Variants in PCDHA8 observed in about 807,000 individuals in gnomAD.
PCDHA8 encodes the protein protocadherin alpha 8, also known as protocadherin alpha-8.
A neutral mutation model predicts 61.8 loss-of-function variants in PCDHA8; 53 were observed. That is an observed-to-expected ratio of 0.86 (90% CI 0.69 to 1.08). The LOEUF (loss-of-function observed/expected upper bound fraction) is 1.08. PCDHA8 is among the 50% of genes least tolerant of loss of function. The pLI is 0.00. For missense variants in PCDHA8, 1,293 were observed against 1,245.0 expected, an observed-to-expected ratio of 1.04 and a Z score of -0.58; for synonymous variants, 618 against 556.6, an observed-to-expected ratio of 1.11 and a Z score of -1.55.
intron 1 of PCDHA8, among the ~76,000 whole-genome samples, chr5:140,905,413 A>T (rs2071819141): frequency 6.6e-6 from 1 of 152,180 alleles, no homozygotes; most frequent in South Asian, 2.1e-4. Flanking sequence ...TTATACCAGT[A>T]CCATGCTGGT....
intron 1 of PCDHA8, chr5:140,884,501 G>A: frequency 1.9e-6 from 3 of 1,614,146 alleles, no homozygotes; most frequent in Middle Eastern, 1.6e-4. Context: ...CTCCAGCGCG[G>A]CAGGGAGTTG....
At chr5:140,979,078 A>G (rs2240296) in intron 2 of PCDHA8, 71 bp downstream of exon 2, 2 of 1,583,496 alleles carry the variant, frequency 1.3e-6, no homozygotes, top group East Asian at 4.5e-5. Flanking sequence ...CTGCATCTCC[A>G]TAGGCCAGAA....
chr5:140,895,763 T>C (rs1291731285), intron 1 of PCDHA8, among the ~76,000 whole-genome samples: 2 of 152,170 alleles, frequency 1.3e-5, no homozygotes, highest in East Asian at 1.9e-4. Context: ...TTTTCTTTCT[T>C]TATGGCTGCA....
chr5:141,004,715 G>T (rs989871938), intron 3 of PCDHA8, among the ~76,000 whole-genome samples: 2 of 152,162 alleles, frequency 1.3e-5, no homozygotes, highest in African/African-American at 2.4e-5. Flanking sequence ...CGAATCAGAG[G>T]TTTTTAAATA....
chr5:140,927,128 A>T (rs2083872958), intron 1 of PCDHA8: 2 of 1,613,878 alleles, frequency 1.2e-6, no homozygotes, highest in Non-Finnish European at 1.7e-6. Context: ...GTGGTCAGAG[A>T]GCCGGCGGAC....
chr5:140,862,432 C>T (rs746687465), intron 1 of PCDHA8: 1 of 355,106 alleles, frequency 2.8e-6, no homozygotes, highest in Non-Finnish European at 5.6e-6. Context: ...AGAAACTATT[C>T]GTTGGTACTC....
intron 3 of PCDHA8, among the ~76,000 whole-genome samples, chr5:140,999,095 G>C (rs1554256620): frequency 6.6e-6 from 1 of 152,202 alleles, no homozygotes; most frequent in African/African-American, 2.4e-5. Flanking sequence ...GAGGGCTATG[G>C]AGAGTAACCT....
intron 1 of PCDHA8, among the ~76,000 whole-genome samples, chr5:140,975,067 T>C (rs2096652705): frequency 6.6e-6 from 1 of 152,146 alleles, no homozygotes; most frequent in African/African-American, 2.4e-5. Flanking sequence ...TCGAGCTCAT[T>C]CAGATTGTTG....
Position 140,871,550 on chromosome 5 carries a change from C to A in PCDHA8, c.2394+27835C>A, listed in dbSNP as rs369025500. On this transcript the variant is annotated intron_variant, in intron 1 of 3. Transcript: ENST00000531613. The stretch of plus-strand genomic sequence containing the variant: ...AAGTGTATGTGAAATTATTTAAAAT[C>A]CAGTTTTTTTTCACGGATTTTTTAA... The A allele has an allele frequency of 1.6e-4, 246 of 1,495,268 alleles. 8 individuals are homozygous for A. In the South Asian group the frequency reaches 3.1e-3, roughly 19 times the overall value. The allele number at this position is 1,495,268 out of a possible 1,614,324, so 92.6% of individuals were successfully genotyped here.
At chr5:140,993,543 G>C (rs1263683239) in intron 3 of PCDHA8, among the ~76,000 whole-genome samples, 1 of 151,590 alleles carries the variant, frequency 6.6e-6, no homozygotes, top group Non-Finnish European at 1.5e-5. Context: ...GAGAGATAGA[G>C]AAGTGAAGTA....
At chr5:140,993,081 A>G (rs966669704) in intron 3 of PCDHA8, among the ~76,000 whole-genome samples, 34 of 152,234 alleles carry the variant, frequency 2.2e-4, no homozygotes, top group Non-Finnish European at 2.8e-4. Flanking sequence ...GTCTGCAATC[A>G]GCAGGGCTAT....
chr5:140,929,613 C>G (rs1485250435), intron 1 of PCDHA8: 2 of 406,044 alleles, frequency 4.9e-6, no homozygotes, highest in Admixed American at 8.8e-5. Flanking sequence ...AATAAAATAC[C>G]AAAATATTTT....
intron 1 of PCDHA8, chr5:140,884,203 C>G (rs554797854): frequency 6.2e-7 from 1 of 1,613,518 alleles, no homozygotes; most frequent in African/African-American, 1.3e-5. Context: ...CGCCGCACCA[C>G]CGCCTTCTGG....
chr5:140,876,802 G>C, intron 1 of PCDHA8: 2 of 1,614,248 alleles, frequency 1.2e-6, no homozygotes. Context: ...AGTGTCCGTG[G>C]AGGTGGCCGA....
At position 140,841,592 on chromosome 5, in the gene PCDHA8, G is replaced by C. The variant is rs2150318717; in HGVS notation, c.271G>C (p.Asp91His). The change falls in exon 1 of 4, where the codon GAC becomes CAC. Residue 91 changes from aspartate (D) to histidine (H), a missense_variant. By Grantham distance (81) the Asp-to-His change is moderately conservative. Coordinates refer to ENST00000531613, the MANE Select transcript of PCDHA8 (RefSeq NM_018911.3). ...CATTTTGTTTGTGAATTCTCGGATC[G>C]ACCGCGAGGAGCTGTGCGGGCGGAG... ...NGILFVNSRIDREELCGRSAE... is the reference protein window; with the variant it reads ...NGILFVNSRIHREELCGRSAE... The C allele has an allele frequency of 6.2e-7, 1 of 1,614,096 alleles. No individual in the cohort carries two copies. Among genetic ancestry groups the C allele is most frequent in the African/African-American group, 1.3e-5 (1 of 75,018 alleles).
intron 1 of PCDHA8, among the ~76,000 whole-genome samples, chr5:140,903,175 A>G (rs1554190800): frequency 1.3e-5 from 2 of 152,170 alleles, no homozygotes; most frequent in Non-Finnish European, 2.9e-5. Context: ...TTACATTCCC[A>G]CCAATAGTAT....
At chr5:140,849,221 C>T (rs1383448278) in intron 1 of PCDHA8, 3 of 1,037,238 alleles carry the variant, frequency 2.9e-6, no homozygotes, top group Admixed American at 2.8e-5. Flanking sequence ...CCCCAGTGTT[C>T]GACAGAACCC....
chr5:140,966,280 G>C (rs782249047), intron 1 of PCDHA8: 3 of 365,660 alleles, frequency 8.2e-6, no homozygotes, highest in African/African-American at 4.2e-5. Flanking sequence ...CTGGACAGTG[G>C]GGGTAGGGAG....
chr5:140,898,548 T>C (rs1445483717), intron 1 of PCDHA8, among the ~76,000 whole-genome samples: 2 of 152,252 alleles, frequency 1.3e-5, no homozygotes, highest in Non-Finnish European at 2.9e-5. Context: ...CATTTATCTA[T>C]GTCTCTGTTT....
Sources: allele counts gnomAD v4.1 joint callset (sites outside exome capture counted in the v4.1 genomes callset), GRCh38; gene constraint gnomAD v4.1.1; transcripts MANE v1.5; gene names NCBI Gene and HGNC (gene_info 2026-07-23, HGNC 2026-07-21).